The following CYP2C19 variants were observed in gnomAD, a reference collection of about 807,000 sequenced individuals.
CYP2C19 encodes cytochrome P450 2C19.
CYP2C19 carries 59 observed loss-of-function variants against 40.9 expected under a neutral mutation model. That is an observed-to-expected ratio of 1.44 (90% CI 1.17 to 1.79). The LOEUF (loss-of-function observed/expected upper bound fraction) is 1.79. Among genes scored for constraint, CYP2C19 ranks in the 40% most tolerant of loss-of-function variants. CYP2C19 has a pLI of 0.00. For synonymous variants in CYP2C19, 253 were observed against 208.7 expected (o/e 1.21, Z -1.83); for missense variants, 754 against 596.9 (o/e 1.26, Z -2.74).
chr10:94,841,792 G>T (rs1441222084), intron 6 of CYP2C19, among the ~76,000 whole-genome samples: 1 of 152,086 alleles, frequency 6.6e-6, no homozygotes, highest in African/African-American at 2.4e-5. Context: ...CCATTTACTT[G>T]TGTAGTTTCC....
intron 6 of CYP2C19, among the ~76,000 whole-genome samples, chr10:94,830,236 G>T (rs541888559): frequency 1.2e-4 from 19 of 152,228 alleles, no homozygotes; most frequent in African/African-American, 4.6e-4. Flanking sequence ...GGGCAATGGC[G>T]GGCGCCCCTC....
intron 7 of CYP2C19, 33 bp downstream of exon 7, chr10:94,843,057 G>T (rs374065127): frequency 6.2e-7 from 1 of 1,609,278 alleles, no homozygotes; most frequent in Non-Finnish European, 8.5e-7. Flanking sequence ...GCAACTCCAT[G>T]TTCTTTTATT....
intron 6 of CYP2C19, among the ~76,000 whole-genome samples, chr10:94,830,518 G>A (rs959967629): frequency 3.9e-5 from 6 of 152,040 alleles, no homozygotes; most frequent in South Asian, 2.1e-4. Flanking sequence ...TTCGGCTCCC[G>A]CAGGGTGCAC....
At chr10:94,841,189 G>C (rs1358517976) in intron 6 of CYP2C19, among the ~76,000 whole-genome samples, 2 of 152,206 alleles carry the variant, frequency 1.3e-5, no homozygotes, top group African/African-American at 4.8e-5. Flanking sequence ...TCTACTAAAA[G>C]CTGTGGGTCA....
At chr10:94,771,230 G>A (rs907407516) in intron 1 of CYP2C19, among the ~76,000 whole-genome samples, 1 of 152,018 alleles carries the variant, frequency 6.6e-6, no homozygotes, top group Admixed American at 6.5e-5. Context: ...GGGGTTTTTT[G>A]TGGTCCTTTG....
intron 6 of CYP2C19, among the ~76,000 whole-genome samples, chr10:94,828,996 C>A (rs1404008707): frequency 4.6e-5 from 7 of 152,116 alleles, no homozygotes; most frequent in Admixed American, 3.9e-4. Flanking sequence ...TTGGCCCCCA[C>A]TCTCTTCTGG....
chr10:94,841,779 T>C (rs749281083), intron 6 of CYP2C19, among the ~76,000 whole-genome samples: 9 of 152,226 alleles, frequency 5.9e-5, no homozygotes, highest in Non-Finnish European at 2.9e-5. Flanking sequence ...TATTGTTTAA[T>C]TTCCATTTAC....
At chr10:94,843,130 C>G in intron 7 of CYP2C19, 106 bp downstream of exon 7, 1 of 1,363,588 alleles carries the variant, frequency 7.3e-7, no homozygotes, top group Non-Finnish European at 1.0e-6. Context: ...TGCATTACTC[C>G]TATGTATGGC....
intron 5 of CYP2C19, among the ~76,000 whole-genome samples, chr10:94,799,388 G>T (rs980441991): frequency 2.6e-5 from 4 of 152,156 alleles, no homozygotes; most frequent in Non-Finnish European, 5.9e-5. Context: ...AGTCTGATGG[G>T]TTTCCCTTTG....
intron 6 of CYP2C19, among the ~76,000 whole-genome samples, chr10:94,834,396 A>G (rs888328378): frequency 6.6e-6 from 1 of 151,266 alleles, no homozygotes; most frequent in East Asian, 1.9e-4. Context: ...TTTTTTTCTT[A>G]GTCTGGCTAA....
intron 8 of CYP2C19, among the ~76,000 whole-genome samples, chr10:94,851,177 C>G (rs1849648228): frequency 6.6e-6 from 1 of 151,982 alleles, no homozygotes; most frequent in Non-Finnish European, 1.5e-5. Flanking sequence ...TGGGAGGACT[C>G]AGGAAACTTG....
chr10:94,781,592 G>T lies in CYP2C19; in HGVS notation c.643-229G>T, dbSNP rs528370827. ...GATGCTTTTATACTATCAAAAGCAG[G>T]TATAAGTCTAGGAAATGATTATCAT... On this transcript the variant is annotated intron_variant, in intron 4 of 8. Coordinates refer to ENST00000371321, the MANE Select transcript of CYP2C19 (RefSeq NM_000769.4). Among the ~76,000 whole-genome samples, 5 of 152,120 alleles carry T rather than the reference G, an allele frequency of 3.3e-5. No homozygotes were observed. The South Asian group carries it at 8.3e-4, about 25-fold the overall frequency.
At chr10:94,784,035 AC>A (rs1219222883) in intron 5 of CYP2C19, among the ~76,000 whole-genome samples, 2 of 152,162 alleles carry the variant, frequency 1.3e-5, no homozygotes, top group African/African-American at 4.8e-5. Context: ...CGCCACAAAA[AC>A]GTATTATATT....
chr10:94,785,016 G>C (rs151107655), intron 5 of CYP2C19, among the ~76,000 whole-genome samples: 1 of 151,968 alleles, frequency 6.6e-6, no homozygotes, highest in Non-Finnish European at 1.5e-5. Context: ...AAATTAAGTT[G>C]CCTTTATTTT....
intron 3 of CYP2C19, among the ~76,000 whole-genome samples, chr10:94,778,884 C>A (rs567398849): frequency 2.6e-5 from 4 of 152,214 alleles, no homozygotes; most frequent in African/African-American, 7.2e-5. Context: ...CAATGACACA[C>A]TGGATAAAGA....
chr10:94,789,770 G>T (rs1343937304), intron 5 of CYP2C19, among the ~76,000 whole-genome samples: 1 of 152,094 alleles, frequency 6.6e-6, no homozygotes, highest in African/African-American at 2.4e-5. Context: ...TTTGAAGTCA[G>T]GTAGCATGAT....
chr10:94,820,805 C>T (rs1564675989), intron 6 of CYP2C19, among the ~76,000 whole-genome samples, 168 bp downstream of exon 6: 1 of 152,194 alleles, frequency 6.6e-6, no homozygotes, highest in Non-Finnish European at 1.5e-5. Context: ...AATATCCTGG[C>T]CTGGTGCAGT....
In CYP2C19 at chr10:94,842,785, C is replaced by CAA. The variant is rs17878606; in HGVS notation, c.962-50_962-49dup. On this transcript the variant is annotated intron_variant, in intron 6 of 8. Transcript: ENST00000371321. ...TTCATGTACCCCTGAATTGCTAGAA[C>CAA]AAATGTTCCATTTCTCTCCTTTTCC... 1,056 of 1,587,718 alleles carry CAA rather than the reference C, an allele frequency of 6.7e-4. 5 individuals carry two copies. In the African/African-American group the frequency reaches 0.012, roughly 18 times the overall value.
At position 94,855,251 on chromosome 10, in the gene CYP2C19, T is replaced by C. The variant is rs1849714025; in HGVS notation, c.*2337T>C. Reference sequence around the variant, plus strand: ...TGTCCAGACATTATTTAGCCTACCATACTATTATTATACCCATTTGAACAA... The same window carrying C: ...TGTCCAGACATTATTTAGCCTACCACACTATTATTATACCCATTTGAACAA... On this transcript the variant is annotated 3_prime_UTR_variant, in exon 9 of 9. Transcript: ENST00000371321. 6.6e-6 allele frequency among the ~76,000 whole-genome samples: 1 copy of C among 152,172 alleles called. No individual in the cohort carries two copies. Among genetic ancestry groups the C allele is most frequent in the South Asian group, 2.1e-4 (1 of 4,834 alleles).
Sources: gnomAD v4.1 joint callset for allele counts (sites outside exome capture counted in the v4.1 genomes callset) on GRCh38, gnomAD v4.1.1 for gene constraint, MANE v1.5 for transcripts, NCBI Gene and HGNC (gene_info 2026-07-23, HGNC 2026-07-21) for gene names.